CEP128: variants seen among roughly 807,000 people sequenced by gnomAD.
CEP128 encodes centrosomal protein 128.
Under a neutral mutation model 156.7 loss-of-function variants are expected in CEP128, and 132 were observed. The observed-to-expected ratio is 0.84, with a 90% CI of 0.73 to 0.97. The LOEUF is 0.97. CEP128 is among the 50% of genes least tolerant of loss of function. The pLI is 0.00. For missense variants in CEP128, 1,252 were observed against 1,281.9 expected, an observed-to-expected ratio of 0.98 and a Z score of 0.36; for synonymous variants, 469 against 448.9, an observed-to-expected ratio of 1.04 and a Z score of -0.57.
chr14:80,677,856 A>G (rs1896128327), intron 19 of CEP128, among the ~76,000 whole-genome samples: 1 of 152,036 alleles, frequency 6.6e-6, no homozygotes, highest in Non-Finnish European at 1.5e-5. Flanking sequence ...GACTGTGTGC[A>G]TAAAAAAAGT....
chr14:80,628,347 G>A (rs940947995), intron 19 of CEP128, among the ~76,000 whole-genome samples: 1 of 152,082 alleles, frequency 6.6e-6, no homozygotes, highest in East Asian at 1.9e-4. Flanking sequence ...TTATTAGCTT[G>A]ACTGGCATGT....
intron 21 of CEP128, among the ~76,000 whole-genome samples, chr14:80,547,246 A>C (rs896956434): frequency 5.9e-5 from 9 of 152,226 alleles, no homozygotes; most frequent in African/African-American, 1.9e-4. Flanking sequence ...ATATTATAAC[A>C]ATCTTAAATA....
intron 19 of CEP128, among the ~76,000 whole-genome samples, chr14:80,741,262 A>C (rs1898817085): frequency 6.6e-6 from 1 of 152,164 alleles, no homozygotes; most frequent in East Asian, 1.9e-4. Flanking sequence ...CTTTTGAAAA[A>C]TTCTTTGCAA....
chr14:80,731,641 T>G (rs1898276745), intron 19 of CEP128, among the ~76,000 whole-genome samples: 1 of 152,144 alleles, frequency 6.6e-6, no homozygotes. Context: ...CTATAATTTC[T>G]CATGGTTGAT....
At chr14:80,877,565 A>T (rs1364555048) in intron 8 of CEP128, among the ~76,000 whole-genome samples, 3 of 152,220 alleles carry the variant, frequency 2.0e-5, no homozygotes, top group Admixed American at 2.0e-4. Flanking sequence ...ACACATTTTG[A>T]ACCAAAATAA....
rs1031143744 is a variant in CEP128, at chr14:80,934,195, G to T, written c.-16+5190C>A. ...GTCTTAATAAGTTACACAAATAATGGCCTTCATCCTAAAACTGCTTTACAG... is the reference window on the plus strand; with the variant it reads ...GTCTTAATAAGTTACACAAATAATGTCCTTCATCCTAAAACTGCTTTACAG... On this transcript the variant is annotated intron_variant, in intron 2 of 24. Transcript: ENST00000555265. Among the ~76,000 whole-genome samples, 12 of 152,266 alleles carry T rather than the reference G, an allele frequency of 7.9e-5. No homozygotes were observed. In the South Asian group the frequency reaches 2.5e-3, roughly 32 times the overall value.
intron 14 of CEP128, among the ~76,000 whole-genome samples, chr14:80,792,326 C>A (rs1013106614): frequency 6.6e-6 from 1 of 152,172 alleles, no homozygotes; most frequent in African/African-American, 2.4e-5. Flanking sequence ...CTAGTAACTA[C>A]TGCATTTTTT....
At chr14:80,516,399 G>A (rs1888491235) in intron 23 of CEP128, among the ~76,000 whole-genome samples, 1 of 152,144 alleles carries the variant, frequency 6.6e-6, no homozygotes, top group Admixed American at 6.5e-5. Flanking sequence ...AGAAAGGAGT[G>A]TCTCCTGGAG....
intron 18 of CEP128, among the ~76,000 whole-genome samples, chr14:80,746,276 CA>C (rs1351194872): frequency 1.3e-5 from 2 of 151,694 alleles, no homozygotes; most frequent in Admixed American, 6.6e-5. Context: ...CCAAAATAGC[CA>C]AAAAAAGATA....
intron 18 of CEP128, among the ~76,000 whole-genome samples, chr14:80,750,977 A>C (rs1037212450): frequency 2.6e-5 from 4 of 152,180 alleles, no homozygotes; most frequent in Non-Finnish European, 5.9e-5. Context: ...AAGAAGAGAT[A>C]GCAGAACTCT....
intron 19 of CEP128, among the ~76,000 whole-genome samples, chr14:80,580,860 C>T (rs1891562156): frequency 6.6e-6 from 1 of 152,150 alleles, no homozygotes; most frequent in Non-Finnish European, 1.5e-5. Flanking sequence ...CCAAGTTCCA[C>T]CCCTACAGTC....
At chr14:80,894,609 A>G in intron 8 of CEP128, 2 of 478,680 alleles carry the variant, frequency 4.2e-6, no homozygotes, top group South Asian at 1.6e-5. Context: ...CATTAATTGG[A>G]AAGACGTTGT....
rs368310455 is a variant in CEP128 at position 80,659,478 on chromosome 14, C to T, written c.2807-79055G>A. On this transcript the variant is annotated intron_variant, in intron 19 of 24. Coordinates refer to ENST00000555265, the MANE Select transcript of CEP128 (RefSeq NM_152446.5). ...ATAAAGACACGCATGCATTGGTATG[C>T]AAGTAGAAAAATCACAGCATTAATG... Among the ~76,000 whole-genome samples the T allele has an allele frequency of 5.9e-5, 9 of 152,226 alleles. No individual in the cohort carries two copies. In the East Asian group the frequency reaches 1.5e-3, roughly 26 times the overall value.
chr14:80,590,076 G>A (rs1595053687), intron 19 of CEP128, among the ~76,000 whole-genome samples: 1 of 152,184 alleles, frequency 6.6e-6, no homozygotes, highest in South Asian at 2.1e-4. Context: ...CAGTGAGTAG[G>A]CAGTAATGAG....
intron 8 of CEP128, among the ~76,000 whole-genome samples, chr14:80,881,876 A>T (rs190900947): frequency 1.3e-5 from 2 of 152,202 alleles, no homozygotes; most frequent in Non-Finnish European, 2.9e-5. Context: ...ACATAAGAAA[A>T]GCCATATACA....
chr14:80,477,136 A>T (rs1265925750), exon 15 of CEP128: 1 of 152,172 alleles, frequency 6.6e-6, no homozygotes, highest in African/African-American at 2.4e-5. Flanking sequence ...TAAATTAACC[A>T]AGGAACTCAT....
intron 13 of CEP128, among the ~76,000 whole-genome samples, chr14:80,805,560 C>T (rs575258883): frequency 1.3e-5 from 2 of 152,268 alleles, no homozygotes; most frequent in East Asian, 3.9e-4. Context: ...AAAGAATTAA[C>T]AAATTTAATG....
chr14:80,938,249 T>TTTA (rs1399686528), intron 2 of CEP128, among the ~76,000 whole-genome samples: 3 of 146,830 alleles, frequency 2.0e-5, no homozygotes, highest in Non-Finnish European at 4.5e-5. Flanking sequence ...GTTAGTATTT[T>TTTA]TTTTTTTTTT....
At chr14:80,731,747 C>T (rs1202272995) in intron 19 of CEP128, among the ~76,000 whole-genome samples, 1 of 151,956 alleles carries the variant, frequency 6.6e-6, no homozygotes. Context: ...TTACACTGGA[C>T]AGATAAAAAG....
Sources: gnomAD v4.1 joint callset for allele counts (sites outside exome capture counted in the v4.1 genomes callset) on GRCh38, gnomAD v4.1.1 for gene constraint, MANE v1.5 for transcripts, NCBI Gene and HGNC (gene_info 2026-07-23, HGNC 2026-07-21) for gene names.